MGAT4C: variants seen among roughly 807,000 people sequenced by gnomAD.
MGAT4C encodes the protein alpha-1,3-mannosyl-glycoprotein 4-beta-N-acetylglucosaminyltransferase C.
In MGAT4C, 19 loss-of-function variants were observed where a neutral mutation model predicts 40.1. The observed-to-expected ratio is 0.47, with a 90% CI of 0.33 to 0.70. The LOEUF is 0.70. Among genes scored for constraint, MGAT4C ranks in the 30% least tolerant of loss-of-function variants. The probability of loss-of-function intolerance (pLI) is 0.02; values close to 1 mark genes in which losing one functional copy is unlikely to be tolerated. For missense variants in MGAT4C, 491 were observed against 563.2 expected (o/e 0.87, Z 1.30); for synonymous variants, 181 against 187.1 (o/e 0.97, Z 0.27).
intron 2 of MGAT4C, among the ~76,000 whole-genome samples, chr12:86,597,733 G>T (rs1026600339): frequency 2.6e-5 from 4 of 152,078 alleles, no homozygotes; most frequent in African/African-American, 9.7e-5. Flanking sequence ...ATATCCTGAT[G>T]ATTTCATCCC....
At chr12:86,460,866 T>C (rs1412314928) in intron 2 of MGAT4C, among the ~76,000 whole-genome samples, 1 of 152,180 alleles carries the variant, frequency 6.6e-6, no homozygotes, top group Non-Finnish European at 1.5e-5. Flanking sequence ...AACAAGGTTA[T>C]GACAGAAATA....
At position 85,957,657 on chromosome 12, in the gene MGAT4C, C is replaced by CAAAAAAAAAAAAAAAAAAAAAAA; in HGVS notation, c.*21631_*21632insTTTTTTTTTTTTTTTTTTTTTTT. ...TTTACTGTAGAGTTGAATAAGAAAGCAAAAAAAAAAAAAAAAGAAAAAAGA... is the reference window on the plus strand; with the variant it reads ...TTTACTGTAGAGTTGAATAAGAAAGCAAAAAAAAAAAAAAAAAAAAAAAAAAAAAAAAAAAAAAAGAAAAAAGA... On this transcript the variant is annotated 3_prime_UTR_variant, in exon 5 of 5. Transcript: ENST00000611864. The CAAAAAAAAAAAAAAAAAAAAAAA allele has an allele frequency of 9.9e-6, 1 of 101,302 alleles. No individual in the cohort carries two copies. The highest frequency in any genetic ancestry group is 1.9e-5 in the Non-Finnish European group (1 of 52,740). The allele number at this position is 101,302 out of a possible 1,614,324, so 6.3% of individuals were successfully genotyped here.
intron 1 of MGAT4C, among the ~76,000 whole-genome samples, chr12:86,730,374 T>C (rs931804380): frequency 2.3e-5 from 3 of 128,910 alleles, no homozygotes; most frequent in Non-Finnish European, 3.4e-5. Flanking sequence ...AATAAAGTCA[T>C]ATCATCTTTT....
intron 4 of MGAT4C, among the ~76,000 whole-genome samples, chr12:86,322,923 G>A (rs1169105332): frequency 6.6e-6 from 1 of 151,940 alleles, no homozygotes; most frequent in Non-Finnish European, 1.5e-5. Context: ...AGGAAATGCG[G>A]AAGAGTTAAT....
At chr12:86,196,617 G>T (rs945596758) in intron 1 of MGAT4C, among the ~76,000 whole-genome samples, 8 of 152,212 alleles carry the variant, frequency 5.3e-5, no homozygotes, top group African/African-American at 1.9e-4. Context: ...CTATTGTCTT[G>T]TTCTGCAGAG....
chr12:86,648,148 C>G lies in MGAT4C; in HGVS notation c.-229+79061G>C, dbSNP rs187030994. 2.0e-5 allele frequency among the ~76,000 whole-genome samples: 3 copies of G among 151,756 alleles called. 1 individual carries two copies. The highest frequency in any genetic ancestry group is 2.0e-4 in the Admixed American group (3 of 15,218). On this transcript the variant is annotated intron_variant, in intron 2 of 7. Coordinates refer to the MGAT4C transcript ENST00000548651. ...AGGTTTATGTTTAGGGTTATTTATT[C>G]AATTATTTGTATTATATTAAAAGAT...
intron 3 of MGAT4C, among the ~76,000 whole-genome samples, chr12:86,378,443 G>A (rs1955871555): frequency 6.6e-6 from 1 of 152,018 alleles, no homozygotes; most frequent in Admixed American, 6.6e-5. Context: ...ATAATAAGGT[G>A]GAACAATATA....
intron 2 of MGAT4C, among the ~76,000 whole-genome samples, chr12:86,498,043 C>A (rs1179924277): frequency 6.8e-6 from 1 of 147,520 alleles, no homozygotes. Flanking sequence ...TTATTCTAAC[C>A]TGTGCTTATG....
chr12:86,457,868 C>G (rs992038567), intron 2 of MGAT4C, among the ~76,000 whole-genome samples: 3 of 151,940 alleles, frequency 2.0e-5, no homozygotes, highest in Admixed American at 6.6e-5. Context: ...TCTTTCACCT[C>G]TCTCTAACTT....
intron 3 of MGAT4C, among the ~76,000 whole-genome samples, chr12:86,378,237 A>C (rs1378167598): frequency 6.6e-6 from 1 of 151,856 alleles, no homozygotes; most frequent in Non-Finnish European, 1.5e-5. Flanking sequence ...AAATTGTTGG[A>C]CTATATGGCA....
intron 2 of MGAT4C, among the ~76,000 whole-genome samples, chr12:86,489,913 T>A (rs1958098573): frequency 6.6e-6 from 1 of 152,096 alleles, no homozygotes; most frequent in Non-Finnish European, 1.5e-5. Flanking sequence ...CCAAGAAATA[T>A]GGGACTATGT....
chr12:86,235,058 A>G (rs1034302293), intron 1 of MGAT4C, among the ~76,000 whole-genome samples: 1 of 152,058 alleles, frequency 6.6e-6, no homozygotes, highest in African/African-American at 2.4e-5. Context: ...TTTTACTTAT[A>G]AAACAAACAA....
intron 2 of MGAT4C, among the ~76,000 whole-genome samples, chr12:86,518,184 C>T (rs1227320884): frequency 1.3e-5 from 2 of 152,014 alleles, no homozygotes; most frequent in Non-Finnish European, 2.9e-5. Context: ...GGTAGATCAC[C>T]AACTGCATGA....
At chr12:86,284,582 TAGA>T (rs1953302192) in intron 4 of MGAT4C, among the ~76,000 whole-genome samples, 1 of 151,986 alleles carries the variant, frequency 6.6e-6, no homozygotes, top group Non-Finnish European at 1.5e-5. Flanking sequence ...TTAATTATAG[TAGA>T]AGTTGTCTTA....
At chr12:86,328,462 G>T (rs529297110) in intron 4 of MGAT4C, among the ~76,000 whole-genome samples, 1 of 152,200 alleles carries the variant, frequency 6.6e-6, no homozygotes, top group Non-Finnish European at 1.5e-5. Flanking sequence ...GAATTTGTAA[G>T]TAAATTTAGC....
chr12:86,214,108 G>A (rs1287547660), intron 1 of MGAT4C, among the ~76,000 whole-genome samples: 1 of 152,042 alleles, frequency 6.6e-6, no homozygotes, highest in Non-Finnish European at 1.5e-5. Context: ...ATATTAGCTG[G>A]GACTACACTT....
chr12:86,391,850 A>C (rs1445267909), intron 3 of MGAT4C, among the ~76,000 whole-genome samples: 3 of 151,784 alleles, frequency 2.0e-5, no homozygotes, highest in Admixed American at 2.0e-4. Context: ...CAGAGTGAGA[A>C]TCCGTCTCAA....
chr12:86,696,848 C>CA (rs1384402209), intron 2 of MGAT4C, among the ~76,000 whole-genome samples: 1 of 151,948 alleles, frequency 6.6e-6, no homozygotes, highest in Admixed American at 6.6e-5. Flanking sequence ...AGTGTGAAGA[C>CA]AAAATCAGAT....
In MGAT4C at chr12:86,651,316, T is replaced by A. The variant is rs191633480; in HGVS notation, c.-229+75893A>T. Among the ~76,000 whole-genome samples, 43 of 151,936 alleles carry A rather than the reference T, an allele frequency of 2.8e-4. No individual in the cohort carries two copies. In the East Asian group the frequency reaches 6.0e-3, roughly 21 times the overall value. On this transcript the variant is annotated intron_variant, in intron 2 of 7. Coordinates refer to the MGAT4C transcript ENST00000548651. Reference sequence around the variant, plus strand: ...AAATCTATTTATTGAAAAAAATCATTGATATGCCTGGCATGAACAAACAGC... The same window carrying A: ...AAATCTATTTATTGAAAAAAATCATAGATATGCCTGGCATGAACAAACAGC...
Sources: gnomAD v4.1 joint callset for allele counts (sites outside exome capture counted in the v4.1 genomes callset) on GRCh38, gnomAD v4.1.1 for gene constraint, MANE v1.5 for transcripts, NCBI Gene and HGNC (gene_info 2026-07-23, HGNC 2026-07-21) for gene names.